C17orf75: variants seen among roughly 807,000 people sequenced by gnomAD.
C17orf75 encodes the protein chromosome 17 open reading frame 75.
C17orf75 carries 32 observed loss-of-function variants against 49.6 expected under a neutral mutation model. The ratio of observed to expected loss-of-function variants is 0.65; its 90% CI spans 0.49 to 0.87. The LOEUF (loss-of-function observed/expected upper bound fraction) is 0.87, where lower values mean the gene tolerates loss of function less well. Among genes scored for constraint, C17orf75 ranks in the 40% least tolerant of loss-of-function variants. The probability of loss-of-function intolerance (pLI) is 0.00; values close to 1 mark genes in which losing one functional copy is unlikely to be tolerated. For missense variants in C17orf75, 428 were observed against 473.9 expected (o/e 0.90, Z 0.90); for synonymous variants, 158 against 159.5 (o/e 0.99, Z 0.07).
At chr17:32,332,960 G>A (rs534150217) in intron 9 of C17orf75, among the ~76,000 whole-genome samples, 2 of 152,178 alleles carry the variant, frequency 1.3e-5, no homozygotes, top group South Asian at 2.1e-4. Flanking sequence ...ACAGGCATGC[G>A]CCACCAGGCC....
intron 8 of C17orf75, 79 bp downstream of exon 8, chr17:32,334,390 G>A (rs1447138684): frequency 6.7e-7 from 1 of 1,484,624 alleles, no homozygotes; most frequent in Non-Finnish European, 9.0e-7. Flanking sequence ...GGAAGAATAA[G>A]GTTGTATCAT....
rs142606725 is a variant in C17orf75 at position 32,336,879 on chromosome 17, T to C, written c.549+1018A>G. 4.6e-3 allele frequency among the ~76,000 whole-genome samples: 697 copies of C among 151,524 alleles called. 5 individuals carry two copies. The highest frequency in any genetic ancestry group is 0.016 in the African/African-American group (641 of 41,284). ...ATCACCTGTAGGCTGGGTGCAGTGG[T>C]TCATACCTGTAATCCCAGCACTTTG... is the stretch of plus-strand genomic sequence containing the variant. On this transcript the variant is annotated intron_variant, in intron 5 of 9. Coordinates refer to ENST00000577809, the MANE Select transcript of C17orf75 (RefSeq NM_022344.4).
At position 32,331,828 on chromosome 17, in the gene C17orf75, C is replaced by T; in HGVS notation, c.1126G>A (p.Glu376Lys). Reference sequence around the variant, plus strand: ...AGGACAGCTATCACATTTTTGGCTTCAGGCATTTCTTCATGTTCCACTTTA... The same window carrying T: ...AGGACAGCTATCACATTTTTGGCTTTAGGCATTTCTTCATGTTCCACTTTA... ...IVKVEHEEMP[E>K]AKNVIAVLEE... is the part of the protein sequence containing the mutation. The change falls in exon 10 of 10, where the codon GAA becomes AAA. Residue 376 changes from glutamate to lysine, a missense_variant. Transcript: ENST00000577809. The T allele has an allele frequency of 6.2e-7, 1 of 1,613,810 alleles. No homozygotes were observed. Among genetic ancestry groups the T allele is most frequent in the Non-Finnish European group, 8.5e-7 (1 of 1,179,820 alleles).
chr17:32,343,583 C>T (rs1015335560), upstream of C17orf75: 5 of 413,418 alleles, frequency 1.2e-5, no homozygotes, highest in African/African-American at 8.2e-5. Context: ...GTGGATAGCA[C>T]AGTTTCTTCT....
upstream of C17orf75, among the ~76,000 whole-genome samples, chr17:32,345,955 G>A (rs943002051): frequency 2.6e-5 from 4 of 152,008 alleles, no homozygotes; most frequent in Non-Finnish European, 4.4e-5. Context: ...TTGCTTCTAG[G>A]CCCTCTCAGC....
rs1288317752 is a variant in C17orf75 at position 32,334,494 on chromosome 17, G to C, written c.846C>G (p.Ser282Arg). 6.2e-7 allele frequency: 1 copy of C among 1,612,182 alleles called. No homozygotes were observed. The highest frequency in any genetic ancestry group is 8.5e-7 in the Non-Finnish European group (1 of 1,179,308). ...QHKSVVIDCS[S>R]SQPQFCNAGS... ...CTGCATTGCAGAACTGAGGCTGGGA[G>C]CTGCTGCAATCGATGACCACAGACT... The change falls in exon 8 of 10, where the codon AGC becomes AGG. Residue 282 changes from serine to arginine, a missense_variant. Physicochemically the swap from Ser to Arg is moderately radical, Grantham distance 110. Coordinates refer to ENST00000577809, the MANE Select transcript of C17orf75 (RefSeq NM_022344.4).
At position 32,331,152 on chromosome 17, in the gene C17orf75, G is replaced by A. The variant is rs9898225; in HGVS notation, c.*611C>T. 0.033 allele frequency: 5,100 copies of A among 152,552 alleles called. 277 individuals are homozygous for A. The highest frequency in any genetic ancestry group is 0.11 in the African/African-American group (4,583 of 41,532). 9.4% of individuals were successfully genotyped at this position (152,552 alleles called of 1,614,324 possible). On this transcript the variant is annotated 3_prime_UTR_variant, in exon 10 of 10. Coordinates refer to ENST00000577809, the MANE Select transcript of C17orf75 (RefSeq NM_022344.4). ...CTTGAGCCACTGCGCCCAGCTCAAAGATAATATTTTATCTTGAAGCTAGTG... is the reference window on the plus strand; with the variant it reads ...CTTGAGCCACTGCGCCCAGCTCAAAAATAATATTTTATCTTGAAGCTAGTG...
chr17:32,348,475 T>C (rs1008308289), intron 1 of C17orf75, among the ~76,000 whole-genome samples: 1 of 152,212 alleles, frequency 6.6e-6, no homozygotes, highest in African/African-American at 2.4e-5. Context: ...AGACAAATAA[T>C]GTTAAAACTC....
intron 9 of C17orf75, among the ~76,000 whole-genome samples, chr17:32,332,959 C>T (rs1015798363): frequency 2.0e-5 from 3 of 152,128 alleles, no homozygotes; most frequent in Admixed American, 6.5e-5. Context: ...TACAGGCATG[C>T]GCCACCAGGC....
rs924884030 is a variant in C17orf75 at position 32,334,417 on chromosome 17, G to A, written c.871+52C>T. 10 of 1,574,374 alleles carry A rather than the reference G, an allele frequency of 6.4e-6. No individual in the cohort carries two copies. In the East Asian group the frequency reaches 2.3e-4, roughly 36 times the overall value. ...TTGTATCATAGGCTCTCAGTGCAAA[G>A]ATGGGGACTCGCAAGAGATGTAGGA... is the stretch of plus-strand genomic sequence containing the variant. On this transcript the variant is annotated intron_variant, in intron 8 of 9. Coordinates refer to ENST00000577809, the MANE Select transcript of C17orf75 (RefSeq NM_022344.4).
Position 32,331,845 on chromosome 17 carries a change from T to A in C17orf75, c.1109A>T (p.Glu370Val). 6.2e-7 allele frequency: 1 copy of A among 1,613,800 alleles called. No individual in the cohort carries two copies. The highest frequency in any genetic ancestry group is 8.5e-7 in the Non-Finnish European group (1 of 1,179,804). Residue 370 changes from glutamate (E) to valine (V), a missense_variant, in exon 10 of 10, where the codon GAA becomes GTA. Physicochemically the swap from Glu to Val is moderately radical, Grantham distance 121 (BLOSUM62 -2). Transcript: ENST00000577809. ...GDILLKIVKV[E>V]HEEMPEAKNV... The stretch of plus-strand genomic sequence containing the variant: ...TTTGGCTTCAGGCATTTCTTCATGT[T>A]CCACTTTAACAATCTTCAAAAGTAT...
At chr17:32,335,272 C>T in intron 6 of C17orf75, 51 bp downstream of exon 6, 1 of 1,597,172 alleles carries the variant, frequency 6.3e-7, no homozygotes, top group Non-Finnish European at 8.6e-7. Flanking sequence ...GTTTCTAAAT[C>T]ATCCAAAGTG....
At chr17:32,338,539 G>A (rs1378209464) in intron 3 of C17orf75, among the ~76,000 whole-genome samples, 188 bp from the exon 4 acceptor site, 2 of 151,826 alleles carry the variant, frequency 1.3e-5, no homozygotes, top group Non-Finnish European at 2.9e-5. Flanking sequence ...TACCCTGGAG[G>A]GCTTTAGTTA....
intron 9 of C17orf75, among the ~76,000 whole-genome samples, 177 bp from the exon 10 acceptor site, chr17:32,332,155 C>T (rs1273267697): frequency 6.6e-6 from 1 of 152,010 alleles, no homozygotes; most frequent in Admixed American, 6.6e-5. Context: ...AAGAAAATCT[C>T]CTTTTTTTTC....
At chr17:32,350,010 A>G in exon 1 of C17orf75, 2 of 1,331,094 alleles carry the variant, frequency 1.5e-6, no homozygotes, top group African/African-American at 1.5e-5. Context: ...AAAGCGAAAA[A>G]CTCTGAAACG....
intron 1 of C17orf75, chr17:32,341,709 C>T: frequency 1.5e-6 from 1 of 686,544 alleles, no homozygotes; most frequent in Non-Finnish European, 1.9e-6. Context: ...GCATGCGGGG[C>T]ACTGCGCTAA....
At chr17:32,336,050 GAAC>G (rs1433598213) in intron 5 of C17orf75, among the ~76,000 whole-genome samples, 1 of 152,194 alleles carries the variant, frequency 6.6e-6, no homozygotes, top group Non-Finnish European at 1.5e-5. Context: ...TAGTCCGGGA[GAAC>G]AACTCTATTA....
chr17:32,330,173 C>CTT lies in C17orf75; in HGVS notation c.*1588_*1589dup, dbSNP rs2041262619. On this transcript the variant is annotated 3_prime_UTR_variant, in exon 10 of 10. Coordinates refer to ENST00000577809, the MANE Select transcript of C17orf75 (RefSeq NM_022344.4). ...CACTTTAATACTATGAAAAATGCTA[C>CTT]TTAGATTTTTTTCTATACTGCCTAC... 2 of 152,184 alleles carry CTT rather than the reference C, an allele frequency of 1.3e-5. No homozygotes were observed. The highest frequency in any genetic ancestry group is 1.3e-4 in the Admixed American group (2 of 15,268). 9.4% of individuals were successfully genotyped at this position (152,184 alleles called of 1,614,324 possible).
In C17orf75 at chr17:32,331,924, G is replaced by T; in HGVS notation, c.1030C>A (p.His344Asn). The T allele has an allele frequency of 6.2e-7, 1 of 1,613,378 alleles. No individual in the cohort carries two copies. The highest frequency in any genetic ancestry group is 8.5e-7 in the Non-Finnish European group (1 of 1,179,604). Residue 344 changes from histidine (H) to asparagine (N), a missense_variant, in exon 10 of 10, where the codon CAT (histidine) becomes AAT (asparagine). Physicochemically the swap from His to Asn is moderately conservative, Grantham distance 68. Coordinates refer to ENST00000577809, the MANE Select transcript of C17orf75 (RefSeq NM_022344.4). ...KRFIRQAEMN[H>N]YALFKCYMFL... is the part of the protein sequence containing the mutation. ...ATGTAACATTTAAACAAAGCATAATGATTCATTTCTGCCTGTCGGATAAAT... is the reference window on the plus strand; with the variant it reads ...ATGTAACATTTAAACAAAGCATAATTATTCATTTCTGCCTGTCGGATAAAT...
Sources: gnomAD v4.1 joint callset for allele counts (sites outside exome capture counted in the v4.1 genomes callset) on GRCh38, gnomAD v4.1.1 for gene constraint, MANE v1.5 for transcripts, NCBI Gene and HGNC (gene_info 2026-07-23, HGNC 2026-07-21) for gene names.